The following EDEM2 variants were observed in gnomAD, a reference collection of about 807,000 sequenced individuals.
EDEM2 encodes ER degradation-enhancing alpha-mannosidase-like protein 2.
EDEM2 carries 39 observed loss-of-function variants against 64.8 expected under a neutral mutation model. The ratio of observed to expected loss-of-function variants is 0.60; its 90% CI spans 0.47 to 0.79. The LOEUF is 0.79. Among genes scored for constraint, EDEM2 ranks in the 30% least tolerant of loss-of-function variants. The probability of loss-of-function intolerance (pLI) is 0.00; values close to 1 mark genes in which losing one functional copy is unlikely to be tolerated. For synonymous variants in EDEM2, 296 were observed against 291.5 expected (o/e 1.02, Z -0.16); for missense variants, 609 against 731.3 (o/e 0.83, Z 1.93).
At chr20:35,119,735 G>T (rs562387617) in intron 9 of EDEM2, among the ~76,000 whole-genome samples, 1 of 152,336 alleles carries the variant, frequency 6.6e-6, no homozygotes, top group South Asian at 2.1e-4. Context: ...GGAACTTGAT[G>T]TTAAGACATG....
intron 2 of EDEM2, 86 bp from the exon 3 acceptor site, chr20:35,145,104 C>T: frequency 7.2e-7 from 1 of 1,383,588 alleles, no homozygotes; most frequent in South Asian, 1.2e-5. Context: ...CCCCCTAAAA[C>T]TAAATGAGGC....
chr20:35,119,242 C>T (rs2085341866), intron 9 of EDEM2, among the ~76,000 whole-genome samples: 1 of 152,188 alleles, frequency 6.6e-6, no homozygotes, highest in East Asian at 1.9e-4. Flanking sequence ...AGAGTAAGAG[C>T]TTGGCATCAT....
chr20:35,125,675 C>T (rs77912440), intron 8 of EDEM2, among the ~76,000 whole-genome samples: 1 of 152,174 alleles, frequency 6.6e-6, no homozygotes, highest in Non-Finnish European at 1.5e-5. Context: ...TGAGCCACCG[C>T]GCCCGACCTA....
chr20:35,125,472 C>T (rs1334864412), intron 8 of EDEM2, among the ~76,000 whole-genome samples: 2 of 152,196 alleles, frequency 1.3e-5, no homozygotes, highest in East Asian at 3.9e-4. Context: ...GCAAGCTCCG[C>T]CTCCCAGGTT....
At chr20:35,123,491 C>G (rs1000589645) in intron 9 of EDEM2, among the ~76,000 whole-genome samples, 1 of 152,114 alleles carries the variant, frequency 6.6e-6, no homozygotes, top group South Asian at 2.1e-4. Flanking sequence ...ACTCGGGAGG[C>G]TGAGGCAGGA....
intron 7 of EDEM2, 67 bp downstream of exon 7, chr20:35,131,575 T>C: frequency 1.6e-5 from 26 of 1,580,574 alleles, no homozygotes; most frequent in Middle Eastern, 1.7e-4. Flanking sequence ...CAAAAAAAAG[T>C]TTTTAAACAA....
At chr20:35,142,320 G>A (rs1213094125) in intron 4 of EDEM2, 53 bp downstream of exon 4, 7 of 1,449,524 alleles carry the variant, frequency 4.8e-6, no homozygotes, top group Non-Finnish European at 5.8e-6. Flanking sequence ...TTGGTTTACA[G>A]AGGCAACTTC....
chr20:35,130,012 G>A (rs567217590), intron 7 of EDEM2, among the ~76,000 whole-genome samples: 6 of 152,108 alleles, frequency 3.9e-5, no homozygotes, highest in Admixed American at 3.3e-4. Context: ...TAAGCAATGC[G>A]TGACTACTGT....
chr20:35,124,769 T>C (rs560545166), intron 8 of EDEM2, among the ~76,000 whole-genome samples: 15 of 152,238 alleles, frequency 9.9e-5, no homozygotes, highest in Non-Finnish European at 1.6e-4. Flanking sequence ...TGGTTCTTTA[T>C]TAATAGGGAT....
intron 9 of EDEM2, among the ~76,000 whole-genome samples, chr20:35,122,248 C>T (rs1488182151): frequency 2.6e-5 from 4 of 152,196 alleles, no homozygotes; most frequent in South Asian, 2.1e-4. Flanking sequence ...ATTAGAACAC[C>T]TCTCAGGTTC....
At position 35,115,827 on chromosome 20, in the gene EDEM2, T is replaced by C. The variant is rs1315429347; in HGVS notation, c.1343A>G (p.His448Arg). The stretch of plus-strand genomic sequence containing the variant: ...CGCGTCGAAGGTGGACCCATTGTTG[T>C]GGATGAAGTTGGTTGGGTCAAACAG... ...YLLFDPTNFI[H>R]NNGSTFDAVI... Residue 448 changes from histidine (H) to arginine (R), a missense_variant, in exon 11 of 11, where the codon CAC becomes CGC. Coordinates refer to ENST00000374492, the MANE Select transcript of EDEM2 (RefSeq NM_018217.3). 6.2e-7 allele frequency: 1 copy of C among 1,613,564 alleles called. No individual in the cohort carries two copies. Among genetic ancestry groups the C allele is most frequent in the Admixed American group, 1.7e-5 (1 of 60,008 alleles).
intron 3 of EDEM2, among the ~76,000 whole-genome samples, chr20:35,144,376 C>T (rs1412414400): frequency 6.6e-6 from 1 of 152,186 alleles, no homozygotes; most frequent in African/African-American, 2.4e-5. Context: ...TCTTGTCACC[C>T]AGGCTGGAGT....
intron 7 of EDEM2, among the ~76,000 whole-genome samples, 157 bp downstream of exon 7, chr20:35,131,485 G>C (rs1304468193): frequency 6.6e-6 from 1 of 152,172 alleles, no homozygotes; most frequent in African/African-American, 2.4e-5. Flanking sequence ...AGAATCACTT[G>C]AACCTGGGAG....
At chr20:35,128,191 C>T (rs562656180) in intron 7 of EDEM2, among the ~76,000 whole-genome samples, 1 of 151,816 alleles carries the variant, frequency 6.6e-6, no homozygotes, top group Non-Finnish European at 1.5e-5. Flanking sequence ...GACCATCCTG[C>T]CTAACACGGT....
chr20:35,130,540 T>C (rs1331777776), intron 7 of EDEM2, among the ~76,000 whole-genome samples: 1 of 152,178 alleles, frequency 6.6e-6, no homozygotes, highest in Non-Finnish European at 1.5e-5. Flanking sequence ...AATATCTTTG[T>C]TTTTTTAGAG....
intron 7 of EDEM2, among the ~76,000 whole-genome samples, chr20:35,131,320 G>A (rs749156605): frequency 6.6e-6 from 1 of 152,204 alleles, no homozygotes; most frequent in Non-Finnish European, 1.5e-5. Context: ...GGAGGCCAAG[G>A]CGGGCAGATC....
At chr20:35,120,544 C>T (rs144694232) in intron 9 of EDEM2, among the ~76,000 whole-genome samples, 1 of 151,454 alleles carries the variant, frequency 6.6e-6, no homozygotes, top group African/African-American at 2.4e-5. Flanking sequence ...GCAGAAAAGA[C>T]AGTGCCCTCA....
rs554787119 is a variant in EDEM2 at position 35,115,614 on chromosome 20, G to A, written c.1556C>T (p.Thr519Ile). The change falls in exon 11 of 11, where the codon ACT becomes ATT. Residue 519 changes from threonine (T) to isoleucine (I), a missense_variant. Transcript: ENST00000374492. Reference protein sequence around the residue: ...KRSRSKFQKNTVSSGPWEPPA... With the variant: ...KRSRSKFQKNIVSSGPWEPPA... ...AGGTTCCCATGGCCCCGAACTAACA[G>A]TGTTTTTCTGAAATTTCGACCTGCT... The A allele has an allele frequency of 2.6e-5, 42 of 1,613,352 alleles. 1 individual carries two copies. In the South Asian group the frequency reaches 4.4e-4, roughly 17 times the overall value.
chr20:35,125,198 C>T (rs928990799), intron 8 of EDEM2, among the ~76,000 whole-genome samples: 1 of 119,610 alleles, frequency 8.4e-6, no homozygotes, highest in African/African-American at 3.0e-5. Flanking sequence ...AACCCGGTGG[C>T]CACTTTTTTT....
Sources: allele counts gnomAD v4.1 joint callset (sites outside exome capture counted in the v4.1 genomes callset), GRCh38; gene constraint gnomAD v4.1.1; transcripts MANE v1.5; gene names NCBI Gene and HGNC (gene_info 2026-07-23, HGNC 2026-07-21).